Variants in NRXN3 observed in about 807,000 individuals in gnomAD.
NRXN3 encodes the protein neurexin 3.
A neutral mutation model predicts 137.6 loss-of-function variants in NRXN3; 32 were observed. The ratio of observed to expected loss-of-function variants is 0.23; its 90% CI spans 0.18 to 0.31. The LOEUF (loss-of-function observed/expected upper bound fraction) is 0.31, where lower values mean the gene tolerates loss of function less well. Among genes scored for constraint, NRXN3 ranks in the 10% least tolerant of loss-of-function variants. NRXN3 has a pLI of 1.00. For synonymous variants in NRXN3, 798 were observed against 784.5 expected (o/e 1.02, Z -0.29); for missense variants, 1,574 against 2,062.5 (o/e 0.76, Z 4.59).
intron 4 of NRXN3, among the ~76,000 whole-genome samples, chr14:78,617,815 A>G (rs2097361160): frequency 6.6e-6 from 1 of 151,846 alleles, no homozygotes; most frequent in African/African-American, 2.4e-5. Context: ...TCATATTAAA[A>G]TGTATATAAA....
intron 4 of NRXN3, among the ~76,000 whole-genome samples, chr14:78,401,171 T>C (rs2092013108): frequency 6.6e-6 from 1 of 152,090 alleles, no homozygotes; most frequent in Non-Finnish European, 1.5e-5. Context: ...AATGCCACTT[T>C]TTATTTTTTT....
intron 6 of NRXN3, among the ~76,000 whole-genome samples, chr14:78,659,893 C>T (rs995220556): frequency 2.0e-5 from 3 of 152,010 alleles, no homozygotes; most frequent in Admixed American, 6.6e-5. Context: ...CAATGTCAGT[C>T]GATTAGAGAT....
At chr14:78,291,504 CA>C (rs2075801715) in intron 3 of NRXN3, among the ~76,000 whole-genome samples, 1 of 152,184 alleles carries the variant, frequency 6.6e-6, no homozygotes, top group African/African-American at 2.4e-5. Flanking sequence ...GGAGGGTTAT[CA>C]AGCCACTTTC....
intron 6 of NRXN3, chr14:78,695,840 G>A (rs908486059): frequency 2.0e-5 from 3 of 152,068 alleles, no homozygotes; most frequent in Admixed American, 6.5e-5. Context: ...TGGACACTAT[G>A]AGCTCGAGTG....
At chr14:79,542,801 A>G (rs1355084540) in intron 16 of NRXN3, among the ~76,000 whole-genome samples, 30 of 152,170 alleles carry the variant, frequency 2.0e-4, no homozygotes, top group Admixed American at 1.8e-3. Flanking sequence ...AGTCAGAGCT[A>G]GGAAAGGGCC....
At chr14:79,542,515 A>T (rs76418428) in intron 16 of NRXN3, among the ~76,000 whole-genome samples, 2 of 152,164 alleles carry the variant, frequency 1.3e-5, no homozygotes, top group Non-Finnish European at 2.9e-5. Context: ...AGCTAACTGC[A>T]AAGTTCCTTG....
chr14:78,780,719 T>A (rs1173364435), intron 8 of NRXN3, among the ~76,000 whole-genome samples: 1 of 152,192 alleles, frequency 6.6e-6, no homozygotes, highest in Non-Finnish European at 1.5e-5. Flanking sequence ...ATAGCCACAC[T>A]AGAACCTTGA....
chr14:79,720,196 A>G (rs377521036), intron 19 of NRXN3, among the ~76,000 whole-genome samples: 1 of 152,120 alleles, frequency 6.6e-6, no homozygotes, highest in Non-Finnish European at 1.5e-5. Flanking sequence ...GTCAGCAGGC[A>G]AGAGTGTGTG....
chr14:78,812,144 A>G (rs2098915907), intron 10 of NRXN3, among the ~76,000 whole-genome samples: 1 of 152,148 alleles, frequency 6.6e-6, no homozygotes, highest in Non-Finnish European at 1.5e-5. Flanking sequence ...GAACATTTCC[A>G]TCATCCCCAA....
intron 19 of NRXN3, among the ~76,000 whole-genome samples, chr14:79,740,729 T>TAACCTTACTTCTGCTTTTAAAC (rs2098959491): frequency 3.4e-5 from 1 of 29,038 alleles, no homozygotes; most frequent in Non-Finnish European, 7.5e-5. Context: ...TATATATATA[T>TAACCTTACTTCTGCTTTTAAAC]ATATATATAT....
At chr14:79,221,212 A>T (rs1012442059) in intron 15 of NRXN3, among the ~76,000 whole-genome samples, 3 of 152,152 alleles carry the variant, frequency 2.0e-5, no homozygotes, top group Non-Finnish European at 4.4e-5. Context: ...TGCAATAAAC[A>T]TACATGTGCA....
At chr14:79,290,876 TATAAG>T (rs2083072910) in intron 15 of NRXN3, among the ~76,000 whole-genome samples, 1 of 152,096 alleles carries the variant, frequency 6.6e-6, no homozygotes, top group Non-Finnish European at 1.5e-5. Flanking sequence ...GAAAGTCTCT[TATAAG>T]AAAACAACTG....
chr14:78,792,112 A>G (rs772796829), intron 8 of NRXN3, among the ~76,000 whole-genome samples: 2 of 151,970 alleles, frequency 1.3e-5, no homozygotes, highest in African/African-American at 2.4e-5. Context: ...AAAGCAAAAG[A>G]ACAGAAAATT....
chr14:79,297,894 A>G (rs1363685543), intron 15 of NRXN3, among the ~76,000 whole-genome samples: 1 of 152,130 alleles, frequency 6.6e-6, no homozygotes, highest in Non-Finnish European at 1.5e-5. Flanking sequence ...AGTGCTTCAC[A>G]ACTTTTAAAG....
chr14:79,354,676 G>C (rs1005463933), intron 15 of NRXN3, among the ~76,000 whole-genome samples: 1 of 152,200 alleles, frequency 6.6e-6, no homozygotes, highest in Admixed American at 6.5e-5. Context: ...AAAAATGTAT[G>C]TGGAAAAGGG....
intron 15 of NRXN3, among the ~76,000 whole-genome samples, chr14:79,139,370 A>G (rs539357057): frequency 6.6e-5 from 10 of 152,330 alleles, no homozygotes; most frequent in Non-Finnish European, 1.2e-4. Flanking sequence ...GCATATATGC[A>G]TGCATGTTGT....
chr14:79,796,041 G>T (rs554521881), intron 19 of NRXN3, among the ~76,000 whole-genome samples: 1 of 152,072 alleles, frequency 6.6e-6, no homozygotes, highest in Non-Finnish European at 1.5e-5. Context: ...AGTATTTGTG[G>T]TGAAAACAAA....
intron 4 of NRXN3, among the ~76,000 whole-genome samples, chr14:78,310,439 A>G (rs1296857287): frequency 6.6e-6 from 1 of 152,038 alleles, no homozygotes; most frequent in African/African-American, 2.4e-5. Context: ...AGTGGCAGCC[A>G]TTGATCCATC....
At chr14:78,915,440 A>G (rs1004802429) in intron 10 of NRXN3, among the ~76,000 whole-genome samples, 5 of 151,696 alleles carry the variant, frequency 3.3e-5, no homozygotes, top group African/African-American at 9.7e-5. Flanking sequence ...AGTCAAAGAA[A>G]TAGTATTCAA....
Sources: gnomAD v4.1 joint callset for allele counts (sites outside exome capture counted in the v4.1 genomes callset) on GRCh38, gnomAD v4.1.1 for gene constraint, MANE v1.5 for transcripts, NCBI Gene and HGNC (gene_info 2026-07-23, HGNC 2026-07-21) for gene names.